NANP: variants seen among roughly 807,000 people sequenced by gnomAD.
The protein encoded by NANP is N-acylneuraminate-9-phosphatase.
Under a neutral mutation model 16.9 loss-of-function variants are expected in NANP, and 15 were observed. The ratio of observed to expected loss-of-function variants is 0.89; its 90% CI spans 0.59 to 1.37. The LOEUF (loss-of-function observed/expected upper bound fraction) is 1.37, where lower values mean the gene tolerates loss of function less well. NANP is among the 40% of genes most tolerant of loss of function. The pLI, the probability that NANP is intolerant of heterozygous loss-of-function variation, is 0.00. For synonymous variants in NANP, 135 were observed against 112.6 expected (o/e 1.20, Z -1.26); for missense variants, 290 against 303.5 (o/e 0.96, Z 0.33).
chr20:25,620,957 G>A (rs904474266), intron 1 of NANP, among the ~76,000 whole-genome samples: 2 of 152,042 alleles, frequency 1.3e-5, no homozygotes, highest in Non-Finnish European at 2.9e-5. Flanking sequence ...CCAATGGACC[G>A]TCTTGTATAT....
Position 25,623,894 on chromosome 20 carries a change from C to T in NANP, c.55G>A (p.Asp19Asn), listed in dbSNP as rs1173093029. ...VFFDLDNTLI[D>N]TAGASRRGML... The stretch of plus-strand genomic sequence containing the variant: ...CCTCTCCTGCTCGCCCCGGCCGTGT[C>T]GATGAGAGTGTTGTCCAAGTCAAAG... The change falls in exon 1 of 2, where the codon GAC (aspartate) becomes AAC (asparagine). Residue 19 changes from aspartate (D) to asparagine (N), a missense_variant. Coordinates refer to ENST00000304788, the MANE Select transcript of NANP (RefSeq NM_152667.3). 1 of 1,613,578 alleles carries T rather than the reference C, an allele frequency of 6.2e-7. No homozygotes were observed. Among genetic ancestry groups the T allele is most frequent in the Non-Finnish European group, 8.5e-7 (1 of 1,179,726 alleles).
Position 25,615,731 on chromosome 20 carries a change from A to C in NANP, c.*194T>G. ...ATTCATGCAATCTGAATTTTCAGAT[A>C]TAAGTACCACTCAATGGTTGGTTGT... is the stretch of plus-strand genomic sequence containing the variant. On this transcript the variant is annotated 3_prime_UTR_variant, in exon 2 of 2. Coordinates refer to ENST00000304788, the MANE Select transcript of NANP (RefSeq NM_152667.3). 1 of 568,458 alleles carries C rather than the reference A, an allele frequency of 1.8e-6. No homozygotes were observed. The highest frequency in any genetic ancestry group is 2.7e-5 in the South Asian group (1 of 36,850). The allele number at this position is 568,458 out of a possible 1,614,324, so 35.2% of individuals were successfully genotyped here. A position where few individuals can be genotyped will look rare whatever the true frequency, so the allele number is the denominator to read the frequency against.
intron 1 of NANP, among the ~76,000 whole-genome samples, chr20:25,623,472 C>T (rs2065375486): frequency 6.6e-6 from 1 of 152,016 alleles, no homozygotes; most frequent in South Asian, 2.1e-4. Flanking sequence ...GGACACGACC[C>T]TCTGTCGAGC....
rs2065333996 is a variant in NANP at position 25,614,416 on chromosome 20, ACCACTTTACT to A, written c.*1499_*1508del. Reference sequence around the variant, plus strand: ...CCCCTTTATACTTTCTTTTTTTTCAACCACTTTACTCCAGGTTTGGTTAGTATAATCATGA... The same window carrying A: ...CCCCTTTATACTTTCTTTTTTTTCAACCAGGTTTGGTTAGTATAATCATGA... On this transcript the variant is annotated 3_prime_UTR_variant, in exon 2 of 2. Coordinates refer to ENST00000304788, the MANE Select transcript of NANP (RefSeq NM_152667.3). 2 of 152,148 alleles carry A rather than the reference ACCACTTTACT, an allele frequency of 1.3e-5. No individual in the cohort carries two copies. The highest frequency in any genetic ancestry group is 2.9e-5 in the Non-Finnish European group (2 of 68,020). 9.4% of individuals were successfully genotyped at this position (152,148 alleles called of 1,614,324 possible). A position where few individuals can be genotyped will look rare whatever the true frequency, so the allele number is the denominator to read the frequency against.
intron 1 of NANP, among the ~76,000 whole-genome samples, chr20:25,617,962 A>C (rs1207815084): frequency 6.6e-6 from 1 of 152,156 alleles, no homozygotes; most frequent in African/African-American, 2.4e-5. Context: ...ACATACTTAC[A>C]TACATTATTT....
Position 25,615,529 on chromosome 20 carries a change from T to C in NANP, c.*396A>G, listed in dbSNP as rs2065339506. 6.3e-6 allele frequency: 1 copy of C among 157,656 alleles called. No homozygotes were observed. The highest frequency in any genetic ancestry group is 2.4e-5 in the African/African-American group (1 of 41,698). The allele number at this position is 157,656 out of a possible 1,614,324, so 9.8% of individuals were successfully genotyped here. Reference sequence around the variant, plus strand: ...TTAGAAAATCTATTTTTTAAAAATATCTATTTTTAAGCCAGAAGATAAACC... The same window carrying C: ...TTAGAAAATCTATTTTTTAAAAATACCTATTTTTAAGCCAGAAGATAAACC... On this transcript the variant is annotated 3_prime_UTR_variant, in exon 2 of 2. Transcript: ENST00000304788.
chr20:25,615,691 A>G lies in NANP; in HGVS notation c.*234T>C. On this transcript the variant is annotated 3_prime_UTR_variant, in exon 2 of 2. Coordinates refer to ENST00000304788, the MANE Select transcript of NANP (RefSeq NM_152667.3). ...TATATTTCCTTAAATTTTCTGGGCTATACTACTGACCTGAATTCATGCAAT... is the reference window on the plus strand; with the variant it reads ...TATATTTCCTTAAATTTTCTGGGCTGTACTACTGACCTGAATTCATGCAAT... 2.1e-6 allele frequency: 1 copy of G among 472,828 alleles called. No homozygotes were observed. The highest frequency in any genetic ancestry group is 3.7e-6 in the Non-Finnish European group (1 of 270,820). The allele number at this position is 472,828 out of a possible 1,614,324, so 29.3% of individuals were successfully genotyped here. A position where few individuals can be genotyped will look rare whatever the true frequency, so the allele number is the denominator to read the frequency against.
chr20:25,620,296 G>C (rs931035108), intron 1 of NANP, among the ~76,000 whole-genome samples: 4 of 152,144 alleles, frequency 2.6e-5, no homozygotes, highest in African/African-American at 9.7e-5. Context: ...AAAGATTTTG[G>C]TATAAAGAGC....
At chr20:25,620,373 T>C (rs6037161) in intron 1 of NANP, among the ~76,000 whole-genome samples, 24,852 of 152,052 alleles carry the variant, frequency 0.16, 4,546 homozygotes, top group African/African-American at 0.45. Flanking sequence ...CGTTAGTAGA[T>C]CAATATGAAC....
chr20:25,616,238 C>T lies in NANP; in HGVS notation c.434G>A (p.Cys145Tyr). 6.2e-7 allele frequency: 1 copy of T among 1,614,178 alleles called. No individual in the cohort carries two copies. Among genetic ancestry groups the T allele is most frequent in the Non-Finnish European group, 8.5e-7 (1 of 1,180,040 alleles). The change falls in exon 2 of 2, where the codon TGT (cysteine) becomes TAT (tyrosine). Residue 145 changes from cysteine (C) to tyrosine (Y), a missense_variant. By Grantham distance (194) the Cys-to-Tyr change is radical. Transcript: ENST00000304788. ...AGCGTCAAAATAGGACTGACAGGCACAAGCCTCAATCTTCTCCCTCTGGGT... is the reference window on the plus strand; with the variant it reads ...AGCGTCAAAATAGGACTGACAGGCATAAGCCTCAATCTTCTCCCTCTGGGT... ...RQTQREKIEA[C>Y]ACQSYFDAVV...
chr20:25,623,313 C>T lies in NANP; in HGVS notation c.90+546G>A, dbSNP rs888795870. 7.2e-5 allele frequency among the ~76,000 whole-genome samples: 11 copies of T among 152,350 alleles called. No homozygotes were observed. The South Asian group carries it at 1.2e-3, about 17-fold the overall frequency. On this transcript the variant is annotated intron_variant, in intron 1 of 1. Transcript: ENST00000304788. ...GAAAGCCACGGTGACCACCACCCCG[C>T]CAGGGAGGCCAGAAGAAGTTCTGCG...
intron 1 of NANP, 89 bp downstream of exon 1, chr20:25,623,770 T>G (rs1043093358): frequency 1.5e-5 from 19 of 1,238,758 alleles, no homozygotes; most frequent in Non-Finnish European, 1.5e-5. Context: ...GGCGCCGGGG[T>G]GGAAGTGGGG....
Position 25,616,198 on chromosome 20 carries a change from T to C in NANP, c.474A>G (p.Gly158=), listed in dbSNP as rs1371901936. ...QSYFDAVVVG[G]EQREEKPAPS... ...GTGCTGGTTTCTCCTCTCTCTGCTCTCCACCTACAACAACAGCGTCAAAAT... is the reference window on the plus strand; with the variant it reads ...GTGCTGGTTTCTCCTCTCTCTGCTCCCCACCTACAACAACAGCGTCAAAAT... The change falls in exon 2 of 2, where the codon GGA becomes GGG. Residue 158 remains glycine (G), a synonymous_variant. Coordinates refer to ENST00000304788, the MANE Select transcript of NANP (RefSeq NM_152667.3). 1.2e-6 allele frequency: 2 copies of C among 1,614,014 alleles called. No individual in the cohort carries two copies. Among genetic ancestry groups the C allele is most frequent in the Admixed American group, 1.7e-5 (1 of 59,992 alleles).
In NANP at chr20:25,616,518, C is replaced by G. The variant is rs1230066305; in HGVS notation, c.154G>C (p.Val52Leu). ...CATTCCTTGCTGAGTTTAACTTGAA[C>G]TTTATCACAGATGATTTCAGCCTCT... ...KEEAEIICDK[V>L]QVKLSKECFH... Residue 52 changes from valine to leucine, a missense_variant, in exon 2 of 2, where the codon GTT (valine) becomes CTT (leucine). Val to Leu is a conservative substitution (Grantham distance 32). Transcript: ENST00000304788. 1.9e-5 allele frequency: 30 copies of G among 1,612,400 alleles called. No individual in the cohort carries two copies. The highest frequency in any genetic ancestry group is 2.5e-5 in the Non-Finnish European group (29 of 1,179,404).
Position 25,623,985 on chromosome 20 carries a change from C to T in NANP, c.-37G>A, listed in dbSNP as rs750791246. ...CTGGCGCGAACCGTAGCCTTGCCAC[C>T]GCCGCCTGCGCATGCGCAAGGCGGA... On this transcript the variant is annotated 5_prime_UTR_variant, in exon 1 of 2. Transcript: ENST00000304788. 1.9e-6 allele frequency: 3 copies of T among 1,599,092 alleles called. No homozygotes were observed. Among genetic ancestry groups the T allele is most frequent in the Admixed American group, 1.7e-5 (1 of 58,226 alleles).
Position 25,621,416 on chromosome 20 carries a change from G to T in NANP, c.90+2443C>A, listed in dbSNP as rs116315863. Among the ~76,000 whole-genome samples, 806 of 152,190 alleles carry T rather than the reference G, an allele frequency of 5.3e-3. 8 individuals are homozygous for T. Among genetic ancestry groups the T allele is most frequent in the African/African-American group, 0.019 (782 of 41,528 alleles). On this transcript the variant is annotated intron_variant, in intron 1 of 1. Coordinates refer to ENST00000304788, the MANE Select transcript of NANP (RefSeq NM_152667.3). ...TCTTGAGTAATTACCATGAAAAACA[G>T]GTCTAAAGAGGGAGAAAAAAAATAA...
rs1260665837 is a variant in NANP, at chr20:25,614,320, C to G, written c.*1605G>C. 1 of 152,682 alleles carries G rather than the reference C, an allele frequency of 6.5e-6. No homozygotes were observed. The highest frequency in any genetic ancestry group is 1.5e-5 in the Non-Finnish European group (1 of 68,434). The allele number at this position is 152,682 out of a possible 1,614,324, so 9.5% of individuals were successfully genotyped here. A position where few individuals can be genotyped will look rare whatever the true frequency, so the allele number is the denominator to read the frequency against. On this transcript the variant is annotated 3_prime_UTR_variant, in exon 2 of 2. Transcript: ENST00000304788. The stretch of plus-strand genomic sequence containing the variant: ...GCCTACTATTTTACATTAGTAGTTT[C>G]TTATATAACAGTTGGAAGAAAAACA...
At chr20:25,620,320 G>C (rs62211538) in intron 1 of NANP, among the ~76,000 whole-genome samples, 79 of 152,266 alleles carry the variant, frequency 5.2e-4, no homozygotes, top group Admixed American at 2.4e-3. Flanking sequence ...CAAGGTGCTC[G>C]CTGGCCTGAA....
At position 25,616,185 on chromosome 20, in the gene NANP, CCTCTCTCTG is replaced by C. The variant is rs780384331; in HGVS notation, c.478_486del (p.Gln160_Glu162del). 2.5e-6 allele frequency: 4 copies of C among 1,614,116 alleles called. No individual in the cohort carries two copies. The Admixed American group carries it at 6.7e-5, about 27-fold the overall frequency. Reference sequence around the variant, plus strand: ...TAAAATATGGACGGTGCTGGTTTCTCCTCTCTCTGCTCTCCACCTACAACAACAGCGTCA... The same window carrying C: ...TAAAATATGGACGGTGCTGGTTTCTCCTCTCCACCTACAACAACAGCGTCA... On this transcript the variant is annotated inframe_deletion, in exon 2 of 2. Coordinates refer to ENST00000304788, the MANE Select transcript of NANP (RefSeq NM_152667.3).
Sources: gnomAD v4.1 joint callset for allele counts (sites outside exome capture counted in the v4.1 genomes callset) on GRCh38, gnomAD v4.1.1 for gene constraint, MANE v1.5 for transcripts, NCBI Gene and HGNC (gene_info 2026-07-23, HGNC 2026-07-21) for gene names.